The following TJP2 variants were observed in gnomAD, a reference collection of about 807,000 sequenced individuals.
TJP2 encodes tight junction protein 2.
In TJP2, 91 loss-of-function variants were observed where a neutral mutation model predicts 133.1. That is an observed-to-expected ratio of 0.68 (90% confidence interval 0.58 to 0.81). The LOEUF is 0.81. Among genes scored for constraint, TJP2 ranks in the 40% least tolerant of loss-of-function variants. The pLI is 0.00. For missense variants in TJP2, 1,541 were observed against 1,565.6 expected, an observed-to-expected ratio of 0.98 and a Z score of 0.26; for synonymous variants, 592 against 583.4, an observed-to-expected ratio of 1.01 and a Z score of -0.21.
At chr9:69,188,024 G>A (rs1338008065) in intron 1 of TJP2, among the ~76,000 whole-genome samples, 1 of 152,174 alleles carries the variant, frequency 6.6e-6, no homozygotes, top group Non-Finnish European at 1.5e-5. Flanking sequence ...GTGCATTAGC[G>A]GAGCTTATAG....
At chr9:69,226,263 G>T in intron 7 of TJP2, 88 bp downstream of exon 7, 1 of 1,480,396 alleles carries the variant, frequency 6.8e-7, no homozygotes, top group Non-Finnish European at 9.3e-7. Flanking sequence ...TATCCAGCTG[G>T]AAGTTAAATT....
At chr9:69,232,375 C>G (rs1168684446) in intron 11 of TJP2, among the ~76,000 whole-genome samples, 1 of 152,130 alleles carries the variant, frequency 6.6e-6, no homozygotes, top group Admixed American at 6.5e-5. Flanking sequence ...TCTTCAGGCT[C>G]ACAGCAGACA....
At chr9:69,168,955 G>C (rs1311400352) in intron 2 of TJP2, among the ~76,000 whole-genome samples, 1 of 152,006 alleles carries the variant, frequency 6.6e-6, no homozygotes, top group Non-Finnish European at 1.5e-5. Context: ...CAGGTGAACC[G>C]GGTGGTTATT....
At chr9:69,253,875 G>A (rs1017139015) in intron 22 of TJP2, 7 of 382,276 alleles carry the variant, frequency 1.8e-5, no homozygotes, top group African/African-American at 1.4e-4. Flanking sequence ...AGAGTTCTTG[G>A]TTATGATGGA....
chr9:69,155,150 C>G (rs1355579911), intron 2 of TJP2, among the ~76,000 whole-genome samples: 1 of 140,056 alleles, frequency 7.1e-6, no homozygotes. Flanking sequence ...CCTGGTGGGC[C>G]AGAGATTGCA....
At chr9:69,236,903 T>A in intron 13 of TJP2, 46 bp from the exon 14 acceptor site, 1 of 1,597,552 alleles carries the variant, frequency 6.3e-7, no homozygotes, top group Non-Finnish European at 8.6e-7. Flanking sequence ...GCATGTTAGC[T>A]GCGTTTTCTG....
At chr9:69,145,559 C>G (rs1823176851) in intron 1 of TJP2, 8 of 424,510 alleles carry the variant, frequency 1.9e-5, no homozygotes, top group East Asian at 3.6e-5. Context: ...GTCTGCCCCC[C>G]CATCACCACG....
chr9:69,227,012 A>G (rs1829402867), intron 7 of TJP2, among the ~76,000 whole-genome samples: 1 of 152,226 alleles, frequency 6.6e-6, no homozygotes, highest in South Asian at 2.1e-4. Context: ...CCTTGTAAAA[A>G]TTGCCAATAA....
intron 2 of TJP2, among the ~76,000 whole-genome samples, 163 bp from the exon 3 acceptor site, chr9:69,216,176 C>T (rs574221877): frequency 6.6e-6 from 1 of 152,326 alleles, no homozygotes; most frequent in South Asian, 2.1e-4. Context: ...TGTCAGCTGA[C>T]AATGACTATG....
chr9:69,213,558 A>G (rs1047695209), intron 2 of TJP2, among the ~76,000 whole-genome samples: 11 of 152,196 alleles, frequency 7.2e-5, no homozygotes, highest in African/African-American at 2.4e-4. Context: ...CTTCTATGAA[A>G]ATTAAAGACA....
At chr9:69,218,532 A>G (rs187409023) in intron 4 of TJP2, 173 bp downstream of exon 4, 1 of 664,016 alleles carries the variant, frequency 1.5e-6, no homozygotes, top group Middle Eastern at 2.8e-4. Flanking sequence ...TTATCTTCCT[A>G]CTTTTCCTTG....
chr9:69,207,604 A>G (rs1310779251), intron 1 of TJP2, among the ~76,000 whole-genome samples: 1 of 152,116 alleles, frequency 6.6e-6, no homozygotes, highest in Non-Finnish European at 1.5e-5. Flanking sequence ...GAATGTGCAT[A>G]CCTTTAATTC....
chr9:69,178,187 T>A (rs539041667), intron 1 of TJP2, among the ~76,000 whole-genome samples: 1 of 152,252 alleles, frequency 6.6e-6, no homozygotes, highest in South Asian at 2.1e-4. Context: ...TTTCTCTACC[T>A]TTTATGCTAT....
chr9:69,236,750 A>C (rs1447153543), intron 13 of TJP2, among the ~76,000 whole-genome samples, 199 bp from the exon 14 acceptor site: 4 of 152,182 alleles, frequency 2.6e-5, no homozygotes, highest in African/African-American at 7.2e-5. Context: ...CACTTCTGGG[A>C]GATTTCACAG....
In TJP2 at chr9:69,216,498, G is replaced by T. The variant is rs549606707; in HGVS notation, c.239+35G>T. 3.6e-5 allele frequency: 58 copies of T among 1,613,348 alleles called. No individual in the cohort carries two copies. The South Asian group carries it at 6.1e-4, about 17-fold the overall frequency. On this transcript the variant is annotated intron_variant, in intron 3 of 22. Coordinates refer to ENST00000377245, the MANE Select transcript of TJP2 (RefSeq NM_004817.4). ...CTCCCTCGCTCCGCAGCCCCTACCA[G>T]CCCTACTGGTTGGCCCTAGACGGGG... is the stretch of plus-strand genomic sequence containing the variant.
chr9:69,246,646 G>C (rs771444102), intron 17 of TJP2, 44 bp from the exon 18 acceptor site: 57 of 1,507,900 alleles, frequency 3.8e-5, no homozygotes, highest in Non-Finnish European at 5.2e-5. Flanking sequence ...TAATAAACAT[G>C]CCTCTGGAAA....
rs1210298343 is a variant in TJP2 at position 69,249,360 on chromosome 9, C to G, written c.2881-15C>G. On this transcript the variant is annotated splice_polypyrimidine_tract_variant and intron_variant, in intron 19 of 22. Coordinates refer to ENST00000377245, the MANE Select transcript of TJP2 (RefSeq NM_004817.4). ...TTGGATGTTCTTGTTGTGAATGAAC[C>G]TTTATGTCTTGTAGAGCATAAGGAA... The G allele has an allele frequency of 6.3e-7, 1 of 1,598,470 alleles. No homozygotes were observed. The highest frequency in any genetic ancestry group is 1.3e-5 in the African/African-American group (1 of 74,690).
In TJP2 at chr9:69,236,178, AC is replaced by A. The variant is rs756953773; in HGVS notation, c.1932del (p.Trp645GlyfsTer4). The A allele has an allele frequency of 6.2e-7, 1 of 1,614,034 alleles. No homozygotes were observed. Among genetic ancestry groups the A allele is most frequent in the African/African-American group, 1.3e-5 (1 of 74,922 alleles). Reference protein sequence around the residue: ...VDTLYDGKLGNWLAVRIGNEL... With the variant: ...VDTLYDGKLGXWLAVRIGNEL... Reference sequence around the variant, plus strand: ...ACACTGTATGACGGCAAGCTGGGCAACTGGCTGGCTGTGAGGATTGGGAACG... The same window carrying A: ...ACACTGTATGACGGCAAGCTGGGCAATGGCTGGCTGTGAGGATTGGGAACG... On this transcript the variant is annotated frameshift_variant, in exon 13 of 23. Transcript: ENST00000377245. LOFTEE classifies it high-confidence loss of function.
intron 1 of TJP2, among the ~76,000 whole-genome samples, chr9:69,179,334 C>T (rs1290717504): frequency 2.0e-5 from 3 of 152,078 alleles, no homozygotes; most frequent in African/African-American, 7.2e-5. Context: ...ATTTACACAC[C>T]ATTGTATATT....
Sources: gnomAD v4.1 joint callset for allele counts (sites outside exome capture counted in the v4.1 genomes callset) on GRCh38, gnomAD v4.1.1 for gene constraint, MANE v1.5 for transcripts, NCBI Gene and HGNC (gene_info 2026-07-23, HGNC 2026-07-21) for gene names.